Variants in LRRC4C observed in about 807,000 individuals in gnomAD.
The protein encoded by LRRC4C is leucine rich repeat containing 4C.
A neutral mutation model predicts 33.6 loss-of-function variants in LRRC4C; 5 were observed. That is an observed-to-expected ratio of 0.15 (90% CI 0.08 to 0.31). The LOEUF (loss-of-function observed/expected upper bound fraction) is 0.31, where lower values mean the gene tolerates loss of function less well. Ranked by LOEUF, LRRC4C falls within the 10% of genes least tolerant of loss-of-function variation. The pLI is 1.00. For synonymous variants in LRRC4C, 329 were observed against 302.0 expected (o/e 1.09, Z -0.93); for missense variants, 560 against 796.7 (o/e 0.70, Z 3.58).
chr11:40,704,789 A>T (rs543313881), intron 2 of LRRC4C, among the ~76,000 whole-genome samples: 88 of 152,294 alleles, frequency 5.8e-4, no homozygotes, highest in African/African-American at 2.1e-3. Context: ...TATTATTAAC[A>T]ATATCATTTA....
chr11:40,930,412 AC>A (rs1957571185), intron 2 of LRRC4C, among the ~76,000 whole-genome samples: 1 of 152,242 alleles, frequency 6.6e-6, no homozygotes, highest in Non-Finnish European at 1.5e-5. Context: ...GAAAAGGCAA[AC>A]AAAAGAGAGC....
At chr11:40,566,209 G>C (rs1311363642) in intron 3 of LRRC4C, among the ~76,000 whole-genome samples, 2 of 144,912 alleles carry the variant, frequency 1.4e-5, no homozygotes, top group Non-Finnish European at 3.0e-5. Context: ...TTTGAGGTTT[G>C]TGTGTTGGAT....
chr11:40,597,113 C>T (rs573175222), intron 3 of LRRC4C, among the ~76,000 whole-genome samples: 24 of 152,254 alleles, frequency 1.6e-4, no homozygotes, highest in Admixed American at 5.2e-4. Flanking sequence ...GAATCAGGCT[C>T]ATCTTCATTC....
At chr11:40,890,138 T>C (rs1955635328) in intron 2 of LRRC4C, among the ~76,000 whole-genome samples, 1 of 152,202 alleles carries the variant, frequency 6.6e-6, no homozygotes, top group South Asian at 2.1e-4. Context: ...TGTGTCATAA[T>C]GAGATAAGAA....
chr11:40,536,213 G>A (rs1956464394), intron 3 of LRRC4C, among the ~76,000 whole-genome samples: 1 of 150,838 alleles, frequency 6.6e-6, no homozygotes, highest in Non-Finnish European at 1.5e-5. Flanking sequence ...TCTTTTCCTT[G>A]AGACAGCGTC....
intron 2 of LRRC4C, among the ~76,000 whole-genome samples, chr11:40,724,621 A>G (rs1947195895): frequency 6.6e-6 from 1 of 152,202 alleles, no homozygotes; most frequent in Non-Finnish European, 1.5e-5. Flanking sequence ...CATTAAGAGG[A>G]AAGTTTGTAA....
chr11:41,448,142 TGG>T (rs1955894941), intron 1 of LRRC4C, among the ~76,000 whole-genome samples: 2 of 145,088 alleles, frequency 1.4e-5, no homozygotes, highest in African/African-American at 5.1e-5. Context: ...TTTTTTTTTT[TGG>T]AGCTTTACTT....
chr11:40,580,058 G>GGTGTGTGTGTGTGTGTGTGT (rs72110597), intron 3 of LRRC4C, among the ~76,000 whole-genome samples: 2 of 145,438 alleles, frequency 1.4e-5, no homozygotes, highest in African/African-American at 2.6e-5. Context: ...GTACTTTTCA[G>GGTGTGTGTGTGTGTGTGTGT]GTGTGTGTGT....
intron 1 of LRRC4C, among the ~76,000 whole-genome samples, chr11:41,075,275 C>T (rs1939064648): frequency 2.0e-5 from 3 of 151,782 alleles, no homozygotes; most frequent in Non-Finnish European, 4.4e-5. Context: ...GCCAATAACT[C>T]TCATAAGTTT....
chr11:40,948,780 G>A lies in LRRC4C; in HGVS notation c.-495-15057C>T, dbSNP rs1328889967. ...TCCAGTCTATCATTGTTGGACATTT[G>A]GGTTGGTTCCAAGTCTTTGCTATTG... On this transcript the variant is annotated intron_variant, in intron 1 of 6. Transcript: ENST00000528697. Among the ~76,000 whole-genome samples the A allele has an allele frequency of 5.4e-5, 8 of 149,490 alleles. No individual in the cohort carries two copies. The Admixed American group carries it at 5.4e-4, about 10-fold the overall frequency.
At chr11:40,341,561 T>A (rs1303179687) in intron 3 of LRRC4C, among the ~76,000 whole-genome samples, 21 of 151,868 alleles carry the variant, frequency 1.4e-4, no homozygotes, top group Non-Finnish European at 5.9e-5. Flanking sequence ...GGGGGAGGGA[T>A]AGCATTAGGA....
intron 3 of LRRC4C, among the ~76,000 whole-genome samples, chr11:40,333,515 G>A (rs1232929553): frequency 6.6e-6 from 1 of 151,822 alleles, no homozygotes; most frequent in Non-Finnish European, 1.5e-5. Flanking sequence ...TCAGGAGTTC[G>A]AGACCAGCAT....
At chr11:40,819,723 A>G (rs1186196604) in intron 2 of LRRC4C, among the ~76,000 whole-genome samples, 1 of 152,064 alleles carries the variant, frequency 6.6e-6, no homozygotes, top group Admixed American at 6.6e-5. Context: ...GAAGGCTTGA[A>G]AATTGGCTGA....
At position 40,660,363 on chromosome 11, in the gene LRRC4C, A is replaced by T. The variant is rs138113252; in HGVS notation, c.-406-12085T>A. ...TGGGCCAAGTGGGCAGAATAACCCCAGCAGGCCCAAGCAGAACTCGGGCAA... is the reference window on the plus strand; with the variant it reads ...TGGGCCAAGTGGGCAGAATAACCCCTGCAGGCCCAAGCAGAACTCGGGCAA... On this transcript the variant is annotated intron_variant, in intron 2 of 6. Coordinates refer to ENST00000528697, the MANE Select transcript of LRRC4C (RefSeq NM_001258419.2). 1.8e-3 allele frequency among the ~76,000 whole-genome samples: 274 copies of T among 152,330 alleles called. 9 individuals carry two copies. The East Asian group carries it at 0.037, about 21-fold the overall frequency.
chr11:41,048,610 T>C (rs1857975290), intron 1 of LRRC4C, among the ~76,000 whole-genome samples: 2 of 152,186 alleles, frequency 1.3e-5, no homozygotes, highest in Admixed American at 1.3e-4. Flanking sequence ...TACCCTTTGA[T>C]CATTTAGAGT....
chr11:41,320,833 G>A (rs1324522094), intron 1 of LRRC4C, among the ~76,000 whole-genome samples: 1 of 152,116 alleles, frequency 6.6e-6, no homozygotes, highest in South Asian at 2.1e-4. Context: ...AGGCTCTGGG[G>A]AAGAATCTAC....
intron 1 of LRRC4C, among the ~76,000 whole-genome samples, chr11:41,186,380 T>G (rs952229007): frequency 3.3e-5 from 5 of 152,154 alleles, no homozygotes; most frequent in Admixed American, 1.3e-4. Context: ...GAGAAAAATT[T>G]TATAACCATA....
At chr11:41,170,728 T>C (rs1447109356) in intron 1 of LRRC4C, among the ~76,000 whole-genome samples, 2 of 152,096 alleles carry the variant, frequency 1.3e-5, no homozygotes, top group African/African-American at 4.8e-5. Context: ...CCAAAAGCAA[T>C]GGCAACAAAA....
rs1402193931 is a variant in LRRC4C, at chr11:40,680,745, A to G, written c.-406-32467T>C. On this transcript the variant is annotated intron_variant, in intron 2 of 6. Coordinates refer to ENST00000528697, the MANE Select transcript of LRRC4C (RefSeq NM_001258419.2). ...ACTTCTTTCTTTTATAAATTGCCCAATCTCAGGTATGTCTTTATCAGCGTG... is the reference window on the plus strand; with the variant it reads ...ACTTCTTTCTTTTATAAATTGCCCAGTCTCAGGTATGTCTTTATCAGCGTG... Among the ~76,000 whole-genome samples, 5 of 152,160 alleles carry G rather than the reference A, an allele frequency of 3.3e-5. No homozygotes were observed. The East Asian group carries it at 9.6e-4, about 29-fold the overall frequency.
Sources: allele counts gnomAD v4.1 joint callset (sites outside exome capture counted in the v4.1 genomes callset), GRCh38; gene constraint gnomAD v4.1.1; transcripts MANE v1.5; gene names NCBI Gene and HGNC (gene_info 2026-07-23, HGNC 2026-07-21).